Variants in PCDHB3 observed in about 807,000 individuals in gnomAD.
PCDHB3 encodes protocadherin beta-3.
For synonymous variants in PCDHB3, 479 were observed against 456.0 expected, an observed-to-expected ratio of 1.05 and a Z score of -0.64; for missense variants, 967 against 1,012.1, an observed-to-expected ratio of 0.96 and a Z score of 0.60.
Position 141,102,073 on chromosome 5 carries a change from C to T in PCDHB3, c.1424C>T (p.Ala475Val). Residue 475 changes from alanine to valine, a missense_variant, in exon 1 of 1, where the codon GCC becomes GTC. By Grantham distance (64) the Ala-to-Val change is moderately conservative. Transcript: ENST00000231130. Reference protein sequence around the residue: ...SPALHIGSVSATDRDSGTNAQ... With the variant: ...SPALHIGSVSVTDRDSGTNAQ... ...GCCCTGCACATCGGCAGTGTCAGCG[C>T]CACAGACAGAGACTCAGGCACCAAC... 6.2e-7 allele frequency: 1 copy of T among 1,612,932 alleles called. No homozygotes were observed. Among genetic ancestry groups the T allele is most frequent in the Non-Finnish European group, 8.5e-7 (1 of 1,180,040 alleles).
rs1362240129 is a variant in PCDHB3, at chr5:141,101,944, A to G, written c.1295A>G (p.Lys432Arg). 9 of 1,613,900 alleles carry G rather than the reference A, an allele frequency of 5.6e-6. No individual in the cohort carries two copies. The highest frequency in any genetic ancestry group is 7.6e-6 in the Non-Finnish European group (9 of 1,180,034). ...ACTGACCTGGGGACACCCAGGCTGAAAACCAAGTACAACATAACCGTGCTG... is the reference window on the plus strand; with the variant it reads ...ACTGACCTGGGGACACCCAGGCTGAGAACCAAGTACAACATAACCGTGCTG... ...TITDLGTPRL[K>R]TKYNITVLVS... The change falls in exon 1 of 1, where the codon AAA becomes AGA. Residue 432 changes from lysine to arginine, a missense_variant. Lys to Arg is a conservative substitution (Grantham distance 26). Coordinates refer to ENST00000231130, the MANE Select transcript of PCDHB3 (RefSeq NM_018937.5).
rs782076622 is a variant in PCDHB3, at chr5:141,101,304, T to C, written c.655T>C (p.Ser219Pro). 13 of 1,613,808 alleles carry C rather than the reference T, an allele frequency of 8.1e-6. No individual in the cohort carries two copies. Among genetic ancestry groups the C allele is most frequent in the Non-Finnish European group, 1.1e-5 (13 of 1,179,998 alleles). The change falls in exon 1 of 1, where the codon TCT (serine) becomes CCT (proline). Residue 219 changes from serine (S) to proline (P), a missense_variant. Transcript: ENST00000231130. ...SLTLTALDGGSPPRSGTAQIN... is the reference protein window; with the variant it reads ...SLTLTALDGGPPPRSGTAQIN... ...AACGCTCACCGCGCTGGACGGCGGC[T>C]CTCCCCCTCGGTCTGGGACAGCCCA...
chr5:141,101,117 T>G lies in PCDHB3; in HGVS notation c.468T>G (p.Asn156Lys). The stretch of plus-strand genomic sequence containing the variant: ...CAGGAACAGTAATTCCTTTGGGAAA[T>G]GCTGAGGACTTGGATGTGGGAAGAA... Reference protein sequence around the residue: ...TLPGTVIPLGNAEDLDVGRNS... With the variant: ...TLPGTVIPLGKAEDLDVGRNS... Residue 156 changes from asparagine to lysine, a missense_variant, in exon 1 of 1, where the codon AAT (asparagine) becomes AAG (lysine). Asn to Lys is a moderately conservative substitution (Grantham distance 94). Transcript: ENST00000231130. 6.2e-7 allele frequency: 1 copy of G among 1,614,182 alleles called. No homozygotes were observed. Among genetic ancestry groups the G allele is most frequent in the African/African-American group, 1.3e-5 (1 of 75,042 alleles).
rs1412613370 is a variant in PCDHB3, at chr5:141,102,501, T to C, written c.1852T>C (p.Trp618Arg). Residue 618 changes from tryptophan (W) to arginine (R), a missense_variant, in exon 1 of 1, where the codon TGG (tryptophan) becomes CGG (arginine). By Grantham distance (101) the Trp-to-Arg change is moderately radical (BLOSUM62 -3). Coordinates refer to ENST00000231130, the MANE Select transcript of PCDHB3 (RefSeq NM_018937.5). ...CACGGAGCCCGGGCTGTTCGGCGTG[T>C]GGGCGCACAATGGCGAAGTGCGCAC... ...KATEPGLFGV[W>R]AHNGEVRTAR... 1.9e-5 allele frequency: 30 copies of C among 1,608,748 alleles called. No homozygotes were observed. Among genetic ancestry groups the C allele is most frequent in the Non-Finnish European group, 2.5e-5 (30 of 1,179,606 alleles).
Position 141,102,120 on chromosome 5 carries a change from C to G in PCDHB3, c.1471C>G (p.Leu491Val). The change falls in exon 1 of 1, where the codon CTG becomes GTG. Residue 491 changes from leucine (L) to valine (V), a missense_variant. Leu to Val is a conservative substitution (Grantham distance 32, BLOSUM62 1). Transcript: ENST00000231130. ...CAACGCCCAGGTAACCTACTCGCTGCTGCCGCCCCAGGACCCGCACCTGCC... is the reference window on the plus strand; with the variant it reads ...CAACGCCCAGGTAACCTACTCGCTGGTGCCGCCCCAGGACCCGCACCTGCC... ...GTNAQVTYSL[L>V]PPQDPHLPLS... The G allele has an allele frequency of 6.2e-7, 1 of 1,612,942 alleles. No homozygotes were observed. Among genetic ancestry groups the G allele is most frequent in the Non-Finnish European group, 8.5e-7 (1 of 1,180,032 alleles).
In PCDHB3 at chr5:141,101,800, C is replaced by A; in HGVS notation, c.1151C>A (p.Ser384Tyr). ...GGAGACAACGGAAGAGTGATGTGTT[C>A]CATTGAGAACAATCTCCCCTTCTTC... ...DSGDNGRVMC[S>Y]IENNLPFFLK... The change falls in exon 1 of 1, where the codon TCC becomes TAC. Residue 384 changes from serine (S) to tyrosine (Y), a missense_variant. By Grantham distance (144) the Ser-to-Tyr change is moderately radical. Transcript: ENST00000231130. The A allele has an allele frequency of 6.2e-7, 1 of 1,614,024 alleles. No homozygotes were observed. The highest frequency in any genetic ancestry group is 8.5e-7 in the Non-Finnish European group (1 of 1,180,014).
At position 141,102,082 on chromosome 5, in the gene PCDHB3, G is replaced by C. The variant is rs781824332; in HGVS notation, c.1433G>C (p.Arg478Thr). ...LHIGSVSATD[R>T]DSGTNAQVTY... Reference sequence around the variant, plus strand: ...ATCGGCAGTGTCAGCGCCACAGACAGAGACTCAGGCACCAACGCCCAGGTA... The same window carrying C: ...ATCGGCAGTGTCAGCGCCACAGACACAGACTCAGGCACCAACGCCCAGGTA... The change falls in exon 1 of 1, where the codon AGA becomes ACA. Residue 478 changes from arginine to threonine, a missense_variant. Arg to Thr is a moderately conservative substitution (Grantham distance 71, BLOSUM62 -1). Transcript: ENST00000231130. 6.2e-7 allele frequency: 1 copy of C among 1,612,872 alleles called. No individual in the cohort carries two copies. Among genetic ancestry groups the C allele is most frequent in the Non-Finnish European group, 8.5e-7 (1 of 1,180,034 alleles).
rs377515138 is a variant in PCDHB3, at chr5:141,102,511, A to G, written c.1862A>G (p.Asn621Ser). 56 of 1,608,640 alleles carry G rather than the reference A, an allele frequency of 3.5e-5. No homozygotes were observed. The highest frequency in any genetic ancestry group is 1.2e-5 in the Non-Finnish European group (14 of 1,179,570). ...GGGCTGTTCGGCGTGTGGGCGCACA[A>G]TGGCGAAGTGCGCACCGCCAGGCTG... ...EPGLFGVWAH[N>S]GEVRTARLLS... Residue 621 changes from asparagine (N) to serine (S), a missense_variant, in exon 1 of 1, where the codon AAT (asparagine) becomes AGT (serine). Coordinates refer to ENST00000231130, the MANE Select transcript of PCDHB3 (RefSeq NM_018937.5).
Position 141,102,897 on chromosome 5 carries a change from C to T in PCDHB3, c.2248C>T (p.Gln750Ter). The T allele has an allele frequency of 6.2e-7, 1 of 1,613,606 alleles. No homozygotes were observed. Residue 750 changes from glutamine (Q) to a stop codon, truncating the protein, a stop_gained, in exon 1 of 1, where the codon CAG becomes TAG. Transcript: ENST00000231130. LOFTEE classifies it low-confidence loss of function (END_TRUNC). ...SGTGTLSQSYQYEVCLTGGSG... is the reference protein window; with the variant it reads ...SGTGTLSQSY ...CACCGGGACCCTGTCCCAGAGCTAC[C>T]AGTACGAGGTGTGTCTGACTGGAGG...
In PCDHB3 at chr5:141,101,639, G is replaced by C. The variant is rs1484847722; in HGVS notation, c.990G>C (p.Lys330Asn). 1 of 1,613,986 alleles carries C rather than the reference G, an allele frequency of 6.2e-7. No individual in the cohort carries two copies. Among genetic ancestry groups the C allele is most frequent in the African/African-American group, 1.3e-5 (1 of 74,898 alleles). Reference sequence around the variant, plus strand: ...AGGATGGCGGAGGCCTATCCGGAAAGTCTACAGTCATAGTCCAGGTGGTTG... The same window carrying C: ...AGGATGGCGGAGGCCTATCCGGAAACTCTACAGTCATAGTCCAGGTGGTTG... ...EAKDGGGLSG[K>N]STVIVQVVDV... Residue 330 changes from lysine (K) to asparagine (N), a missense_variant, in exon 1 of 1, where the codon AAG (lysine) becomes AAC (asparagine). Transcript: ENST00000231130.
rs781816551 is a variant in PCDHB3 at position 141,101,319 on chromosome 5, G to C, written c.670G>C (p.Gly224Arg). The C allele has an allele frequency of 3.1e-6, 5 of 1,614,060 alleles. No individual in the cohort carries two copies. In the South Asian group the frequency reaches 5.5e-5, roughly 18 times the overall value. The change falls in exon 1 of 1, where the codon GGG (glycine) becomes CGG (arginine). Residue 224 changes from glycine to arginine, a missense_variant. Coordinates refer to ENST00000231130, the MANE Select transcript of PCDHB3 (RefSeq NM_018937.5). ...GGACGGCGGCTCTCCCCCTCGGTCT[G>C]GGACAGCCCAGATAAACATCCAGGT... The part of the protein sequence containing the change: ...ALDGGSPPRS[G>R]TAQINIQVLD...
In PCDHB3 at chr5:141,100,791, C is replaced by A. The variant is rs1554272087; in HGVS notation, c.142C>A (p.Leu48Ile). The A allele has an allele frequency of 6.2e-7, 1 of 1,614,112 alleles. No individual in the cohort carries two copies. Among genetic ancestry groups the A allele is most frequent in the Admixed American group, 1.7e-5 (1 of 60,020 alleles). Residue 48 changes from leucine (L) to isoleucine (I), a missense_variant, in exon 1 of 1, where the codon CTA becomes ATA. By Grantham distance (5) the Leu-to-Ile change is conservative. Coordinates refer to ENST00000231130, the MANE Select transcript of PCDHB3 (RefSeq NM_018937.5). ...EKEKGFLIANLAKDLGLRVEE... is the reference protein window; with the variant it reads ...EKEKGFLIANIAKDLGLRVEE... ...AGAGAAGGGCTTTTTAATAGCCAAC[C>A]TAGCAAAGGATCTGGGACTAAGGGT...
Position 141,103,186 on chromosome 5 carries a change from A to G in PCDHB3, c.*146A>G. 3 of 894,490 alleles carry G rather than the reference A, an allele frequency of 3.4e-6. No individual in the cohort carries two copies. Among genetic ancestry groups the G allele is most frequent in the Non-Finnish European group, 5.1e-6 (3 of 588,092 alleles). 55.4% of individuals were successfully genotyped at this position (894,490 alleles called of 1,614,324 possible). On this transcript the variant is annotated 3_prime_UTR_variant, in exon 1 of 1. Transcript: ENST00000231130. Reference sequence around the variant, plus strand: ...AAAATATCAAATCCAGGGATGGCTTAGGTTTCATTAACAGTACTGGAAAGT... The same window carrying G: ...AAAATATCAAATCCAGGGATGGCTTGGGTTTCATTAACAGTACTGGAAAGT...
At position 141,101,657 on chromosome 5, in the gene PCDHB3, G is replaced by A; in HGVS notation, c.1008G>A (p.Gln336=). 1 of 1,614,072 alleles carries A rather than the reference G, an allele frequency of 6.2e-7. No homozygotes were observed. The highest frequency in any genetic ancestry group is 8.5e-7 in the Non-Finnish European group (1 of 1,180,026). Residue 336 remains glutamine (Q), a synonymous_variant, in exon 1 of 1, where the codon CAG becomes CAA. Coordinates refer to ENST00000231130, the MANE Select transcript of PCDHB3 (RefSeq NM_018937.5). ...CCGGAAAGTCTACAGTCATAGTCCA[G>A]GTGGTTGATGTCAACGACAACCCAC... The part of the protein sequence containing the change: ...GLSGKSTVIV[Q]VVDVNDNPPE...
At position 141,103,018 on chromosome 5, in the gene PCDHB3, G is replaced by A. The variant is rs1752001871; in HGVS notation, c.2369G>A (p.Arg790Lys). Residue 790 changes from arginine (R) to lysine (K), a missense_variant, in exon 1 of 1, where the codon AGG becomes AAG. Arg to Lys is a conservative substitution (Grantham distance 26). Coordinates refer to ENST00000231130, the MANE Select transcript of PCDHB3 (RefSeq NM_018937.5). The stretch of plus-strand genomic sequence containing the variant: ...GTTAGCGAGGCAAATCCCAGTTTCA[G>A]GAAGAGCTTTGAATTCAGTTAAGTG... ...ERVSEANPSF[R>K]KSFEFS The A allele has an allele frequency of 6.2e-6, 10 of 1,606,638 alleles. No individual in the cohort carries two copies. Among genetic ancestry groups the A allele is most frequent in the African/African-American group, 4.0e-5 (3 of 74,858 alleles).
In PCDHB3 at chr5:141,102,706, T is replaced by G. The variant is rs569128013; in HGVS notation, c.2057T>G (p.Leu686Arg). 11 of 1,611,930 alleles carry G rather than the reference T, an allele frequency of 6.8e-6. No homozygotes were observed. In the African/African-American group the frequency reaches 1.3e-4, roughly 20 times the overall value. The part of the protein sequence containing the change: ...AAPAQAQADL[L>R]TVYLVVALAS... ...CCGGCCCAGGCCCAGGCCGACTTGC[T>G]CACCGTCTACCTGGTGGTGGCATTG... The change falls in exon 1 of 1, where the codon CTC becomes CGC. Residue 686 changes from leucine to arginine, a missense_variant. Leu to Arg is a moderately radical substitution (Grantham distance 102). Coordinates refer to ENST00000231130, the MANE Select transcript of PCDHB3 (RefSeq NM_018937.5).
In PCDHB3 at chr5:141,101,614, A is replaced by G; in HGVS notation, c.965A>G (p.Lys322Arg). ...INSYEVDIEA[K>R]DGGGLSGKST... ...AGTTATGAAGTCGACATCGAGGCCAAGGATGGCGGAGGCCTATCCGGAAAG... is the reference window on the plus strand; with the variant it reads ...AGTTATGAAGTCGACATCGAGGCCAGGGATGGCGGAGGCCTATCCGGAAAG... Residue 322 changes from lysine (K) to arginine (R), a missense_variant, in exon 1 of 1, where the codon AAG becomes AGG. Physicochemically the swap from Lys to Arg is conservative, Grantham distance 26 (BLOSUM62 2). Transcript: ENST00000231130. The G allele has an allele frequency of 6.2e-7, 1 of 1,614,162 alleles. No individual in the cohort carries two copies. Among genetic ancestry groups the G allele is most frequent in the South Asian group, 1.1e-5 (1 of 91,084 alleles).
In PCDHB3 at chr5:141,102,673, A is replaced by T. The variant is rs782362192; in HGVS notation, c.2024A>T (p.Glu675Val). 6.2e-7 allele frequency: 1 copy of T among 1,611,432 alleles called. No homozygotes were observed. Among genetic ancestry groups the T allele is most frequent in the South Asian group, 1.1e-5 (1 of 91,014 alleles). Reference sequence around the variant, plus strand: ...TCCCAGCCCTACCTGCCTCTCCCGGAGGCGGCACCGGCCCAGGCCCAGGCC... The same window carrying T: ...TCCCAGCCCTACCTGCCTCTCCCGGTGGCGGCACCGGCCCAGGCCCAGGCC... Reference protein sequence around the residue: ...GFSQPYLPLPEAAPAQAQADL... With the variant: ...GFSQPYLPLPVAAPAQAQADL... The change falls in exon 1 of 1, where the codon GAG (glutamate) becomes GTG (valine). Residue 675 changes from glutamate to valine, a missense_variant. Coordinates refer to ENST00000231130, the MANE Select transcript of PCDHB3 (RefSeq NM_018937.5).
chr5:141,101,309 C>T lies in PCDHB3; in HGVS notation c.660C>T (p.Pro220=). 6.2e-7 allele frequency: 1 copy of T among 1,614,010 alleles called. No individual in the cohort carries two copies. Residue 220 remains proline, a synonymous_variant, in exon 1 of 1, where the codon CCC becomes CCT. Transcript: ENST00000231130. ...TCACCGCGCTGGACGGCGGCTCTCC[C>T]CCTCGGTCTGGGACAGCCCAGATAA... The part of the protein sequence containing the change: ...LTLTALDGGS[P]PRSGTAQINI...
Sources: gnomAD v4.1 joint callset for allele counts on GRCh38, gnomAD v4.1.1 for gene constraint, MANE v1.5 for transcripts, NCBI Gene and HGNC (gene_info 2026-07-23, HGNC 2026-07-21) for gene names.